Variants in DLC1 observed in about 807,000 individuals in gnomAD.
The protein encoded by DLC1 is DLC1 Rho GTPase activating protein.
Under a neutral mutation model 140.3 loss-of-function variants are expected in DLC1, and 54 were observed. The ratio of observed to expected loss-of-function variants is 0.38; its 90% confidence interval spans 0.31 to 0.48. DLC1 has a LOEUF of 0.48. Among genes scored for constraint, DLC1 ranks in the 20% least tolerant of loss-of-function variants. The probability of loss-of-function intolerance (pLI) is 0.96; values close to 1 mark genes in which losing one functional copy is unlikely to be tolerated. For synonymous variants in DLC1, 986 were observed against 728.1 expected (o/e 1.35, Z -5.70); for missense variants, 2,536 against 1,907.0 (o/e 1.33, Z -6.14).
chr8:13,583,848 C>T (rs1805206371), intron 1 of DLC1: 1 of 152,296 alleles, frequency 6.6e-6, no homozygotes, highest in African/African-American at 2.4e-5. Context: ...AGTACAGGCT[C>T]TCAGTAACCA....
intron 5 of DLC1, among the ~76,000 whole-genome samples, chr8:13,291,870 G>T (rs1831769035): frequency 2.0e-5 from 3 of 152,120 alleles, no homozygotes; most frequent in Non-Finnish European, 2.9e-5. Flanking sequence ...AGGCTGAAAA[G>T]CTACCATAGA....
chr8:13,428,048 A>G (rs781565756), intron 2 of DLC1, among the ~76,000 whole-genome samples: 2 of 152,150 alleles, frequency 1.3e-5, no homozygotes, highest in Non-Finnish European at 2.9e-5. Flanking sequence ...AAGGGCTATG[A>G]TGAAAGTTGA....
chr8:13,319,657 C>T (rs891844107), intron 4 of DLC1, among the ~76,000 whole-genome samples: 1 of 152,076 alleles, frequency 6.6e-6, no homozygotes, highest in South Asian at 2.1e-4. Context: ...TGAGACCTCG[C>T]CAGCCATGCT....
chr8:13,326,986 G>A (rs191451953), intron 4 of DLC1, among the ~76,000 whole-genome samples: 11 of 151,990 alleles, frequency 7.2e-5, no homozygotes, highest in African/African-American at 1.4e-4. Flanking sequence ...ACAGAATCTC[G>A]CTCTGTTGCC....
At chr8:13,536,875 G>A (rs1803303003) in intron 1 of DLC1, among the ~76,000 whole-genome samples, 1 of 152,032 alleles carries the variant, frequency 6.6e-6, no homozygotes, top group Admixed American at 6.5e-5. Flanking sequence ...TTTAAAATTT[G>A]TCTCAGAGCA....
At chr8:13,358,639 C>T (rs969572558) in intron 4 of DLC1, among the ~76,000 whole-genome samples, 5 of 151,458 alleles carry the variant, frequency 3.3e-5, no homozygotes, top group East Asian at 1.9e-4. Flanking sequence ...AACCCCATCA[C>T]GAAAGTTTTC....
rs192143602 is a variant in DLC1, at chr8:13,163,801, C to G, written c.1349-48144G>C. ...GGGCAACACAGTGAGACCTCTATGT[C>G]TACAAACACAAAAGGGAAAAAAAAT... On this transcript the variant is annotated intron_variant, in intron 5 of 17. Transcript: ENST00000276297. 5.5e-3 allele frequency among the ~76,000 whole-genome samples: 837 copies of G among 151,642 alleles called. 5 individuals are homozygous for G. The highest frequency in any genetic ancestry group is 9.1e-3 in the Non-Finnish European group (617 of 67,922).
Position 13,085,750 on chromosome 8 carries a change from A to C in DLC1, c.*61T>G. ...TAGACACAGAACCCATTCTTCAAGG[A>C]CTGGCAAAAGTTCTAGAAACAAACA... On this transcript the variant is annotated 3_prime_UTR_variant, in exon 18 of 18. Coordinates refer to ENST00000276297, the MANE Select transcript of DLC1 (RefSeq NM_182643.3). 6.2e-7 allele frequency: 1 copy of C among 1,607,944 alleles called. No individual in the cohort carries two copies. Among genetic ancestry groups the C allele is most frequent in the South Asian group, 1.1e-5 (1 of 90,346 alleles).
chr8:13,571,795 A>G (rs943813251), intron 1 of DLC1, among the ~76,000 whole-genome samples: 2 of 152,218 alleles, frequency 1.3e-5, no homozygotes, highest in Non-Finnish European at 2.9e-5. Context: ...TTATTTCTAC[A>G]GCAGTTGCAA....
At position 13,563,977 on chromosome 8, in the gene DLC1, A is replaced by C. The variant is rs149261362; in HGVS notation, c.-126+40560T>G. ...AATTAAGAAATTCAAGAAAAATATT[A>C]CAACACTTTATCAATGTTTATAGTA... On this transcript the variant is annotated intron_variant, in intron 1 of 1. Transcript: ENST00000631382. 4.1e-3 allele frequency among the ~76,000 whole-genome samples: 630 copies of C among 152,334 alleles called. 2 individuals carry two copies. The highest frequency in any genetic ancestry group is 8.6e-3 in the Admixed American group (131 of 15,304).
At chr8:13,381,310 G>A (rs774726453) in intron 4 of DLC1, among the ~76,000 whole-genome samples, 2 of 152,174 alleles carry the variant, frequency 1.3e-5, no homozygotes, top group Non-Finnish European at 2.9e-5. Flanking sequence ...ATCTCTACAG[G>A]TTGTGGAAAA....
chr8:13,108,875 C>T (rs148384229), intron 7 of DLC1, among the ~76,000 whole-genome samples: 5 of 152,110 alleles, frequency 3.3e-5, no homozygotes, highest in African/African-American at 1.2e-4. Flanking sequence ...CTTCCCCTCC[C>T]GAAACTGCAT....
intron 2 of DLC1, among the ~76,000 whole-genome samples, chr8:13,453,507 TATATATAC>T (rs1799236391): frequency 3.0e-5 from 1 of 33,194 alleles, no homozygotes; most frequent in African/African-American, 1.5e-4. Context: ...TATATGTATA[TATATATAC>T]ATATATATAT....
intron 2 of DLC1, 52 bp downstream of exon 2, chr8:13,498,997 C>T: frequency 1.3e-6 from 2 of 1,520,224 alleles, no homozygotes; most frequent in Non-Finnish European, 1.8e-6. Flanking sequence ...CTGATAAATC[C>T]AAGGATATTT....
At chr8:13,363,093 G>A (rs906465736) in intron 4 of DLC1, among the ~76,000 whole-genome samples, 1 of 152,056 alleles carries the variant, frequency 6.6e-6, no homozygotes, top group Non-Finnish European at 1.5e-5. Context: ...CACTTTGTGG[G>A]GGATGTAAAC....
At position 13,094,913 on chromosome 8, in the gene DLC1, A is replaced by G. The variant is rs747769641; in HGVS notation, c.3372T>C (p.Ala1124=). The G allele has an allele frequency of 6.2e-7, 1 of 1,614,226 alleles. No individual in the cohort carries two copies. Among genetic ancestry groups the G allele is most frequent in the South Asian group, 1.1e-5 (1 of 91,082 alleles). The change falls in exon 12 of 18, where the codon GCT becomes GCC. Residue 1124 remains alanine (A), a synonymous_variant. Transcript: ENST00000276297. The part of the protein sequence containing the change: ...RKSGVKSRIQ[A]LRQMNEGAID... ...TGGCACCTTCATTCATCTGGCGCAG[A>G]GCCTGAATCCGGGACTTGACCCCCG...
At chr8:13,134,857 A>G (rs1475713255) in intron 5 of DLC1, among the ~76,000 whole-genome samples, 1 of 152,200 alleles carries the variant, frequency 6.6e-6, no homozygotes, top group South Asian at 2.1e-4. Context: ...CCAAAGCAGA[A>G]TTCAGCTCTA....
chr8:13,535,587 T>G (rs916162303), intron 1 of DLC1, among the ~76,000 whole-genome samples: 1 of 150,280 alleles, frequency 6.7e-6, no homozygotes, highest in Middle Eastern at 3.2e-3. Context: ...GACATAACTG[T>G]TGGAAAGACC....
At chr8:13,577,032 T>C (rs889212467) in intron 1 of DLC1, among the ~76,000 whole-genome samples, 1 of 152,202 alleles carries the variant, frequency 6.6e-6, no homozygotes, top group Non-Finnish European at 1.5e-5. Context: ...ACTGACTCTG[T>C]GTTGGGCTTA....
Sources: gnomAD v4.1 joint callset for allele counts (sites outside exome capture counted in the v4.1 genomes callset) on GRCh38, gnomAD v4.1.1 for gene constraint, MANE v1.5 for transcripts, NCBI Gene and HGNC (gene_info 2026-07-23, HGNC 2026-07-21) for gene names.